The following CNTLN variants were observed in gnomAD, a reference collection of about 807,000 sequenced individuals.
CNTLN encodes centlein, centrosomal protein.
CNTLN carries 212 observed loss-of-function variants against 180.0 expected under a neutral mutation model. The observed-to-expected ratio is 1.18, with a 90% confidence interval of 1.05 to 1.32. CNTLN has a LOEUF of 1.32. Among genes scored for constraint, CNTLN ranks in the 40% most tolerant of loss-of-function variants. The probability of loss-of-function intolerance (pLI) is 0.00; values close to 1 mark genes in which losing one functional copy is unlikely to be tolerated. For missense variants in CNTLN, 2,095 were observed against 1,610.9 expected, an observed-to-expected ratio of 1.30 and a Z score of -5.14; for synonymous variants, 722 against 563.1, an observed-to-expected ratio of 1.28 and a Z score of -3.99.
chr9:17,334,209 G>A (rs950544175), intron 10 of CNTLN, among the ~76,000 whole-genome samples: 1 of 152,002 alleles, frequency 6.6e-6, no homozygotes, highest in East Asian at 1.9e-4. Context: ...ACAGGCGTGT[G>A]CCACCACTCC....
intron 12 of CNTLN, among the ~76,000 whole-genome samples, chr9:17,353,600 T>A (rs1822554813): frequency 3.8e-5 from 1 of 26,510 alleles, no homozygotes; most frequent in Admixed American, 4.2e-4. Context: ...TTGTTTTCGT[T>A]TTTTTTTTTT....
At chr9:17,313,154 A>G (rs1819324249) in intron 8 of CNTLN, among the ~76,000 whole-genome samples, 1 of 152,106 alleles carries the variant, frequency 6.6e-6, no homozygotes, top group African/African-American at 2.4e-5. Context: ...TAATGGTTAT[A>G]TTTTGCATAG....
chr9:17,245,722 A>C (rs1220811101), intron 5 of CNTLN, among the ~76,000 whole-genome samples: 2 of 151,446 alleles, frequency 1.3e-5, no homozygotes, highest in Non-Finnish European at 2.9e-5. Flanking sequence ...TGTGTGCTTC[A>C]TTCTTTTTCC....
intron 18 of CNTLN, among the ~76,000 whole-genome samples, chr9:17,419,725 T>G (rs1047648845): frequency 6.6e-6 from 1 of 152,186 alleles, no homozygotes; most frequent in Non-Finnish European, 1.5e-5. Flanking sequence ...TTCCACTGTA[T>G]ATTTTAAAGA....
intron 7 of CNTLN, chr9:17,301,148 T>G: frequency 2.0e-6 from 2 of 985,380 alleles, no homozygotes; most frequent in Non-Finnish European, 2.4e-6. Flanking sequence ...ACAAATTAAT[T>G]TCTGATAACT....
chr9:17,319,374 G>A (rs1819754311), intron 8 of CNTLN, among the ~76,000 whole-genome samples: 1 of 152,208 alleles, frequency 6.6e-6, no homozygotes, highest in African/African-American at 2.4e-5. Context: ...CTGGTCTAGC[G>A]ATCATACTTT....
chr9:17,389,949 A>T, intron 14 of CNTLN, among the ~76,000 whole-genome samples: 1 of 152,090 alleles, frequency 6.6e-6, no homozygotes, highest in East Asian at 1.9e-4. Context: ...TGGTGTCTTT[A>T]TTTAAAAAAA....
chr9:17,280,255 T>G (rs1295643483), intron 6 of CNTLN, among the ~76,000 whole-genome samples: 1 of 152,206 alleles, frequency 6.6e-6, no homozygotes, highest in African/African-American at 2.4e-5. Context: ...GTATTGTTGG[T>G]TCTCAGTATC....
At chr9:17,420,146 C>G (rs1422633361) in intron 18 of CNTLN, among the ~76,000 whole-genome samples, 1 of 152,166 alleles carries the variant, frequency 6.6e-6, no homozygotes, top group Non-Finnish European at 1.5e-5. Flanking sequence ...AACTCCTAAC[C>G]TCACATGATC....
intron 25 of CNTLN, among the ~76,000 whole-genome samples, chr9:17,488,558 G>A (rs138510506): frequency 2.0e-4 from 31 of 152,036 alleles, no homozygotes; most frequent in African/African-American, 3.9e-4. Flanking sequence ...AAATCTGTAC[G>A]TGTAAAGCTT....
chr9:17,330,452 G>C (rs914329862), intron 8 of CNTLN, among the ~76,000 whole-genome samples, 180 bp from the exon 9 acceptor site: 11 of 151,606 alleles, frequency 7.3e-5, no homozygotes, highest in South Asian at 2.1e-4. Context: ...TTATTTTATT[G>C]GAAAATACTA....
intron 12 of CNTLN, among the ~76,000 whole-genome samples, chr9:17,352,934 A>ACC (rs1254077741): frequency 9.2e-5 from 14 of 152,130 alleles, no homozygotes; most frequent in Non-Finnish European, 1.9e-4. Flanking sequence ...GTTTATGTAT[A>ACC]CCACAATTTG....
At chr9:17,266,823 G>T (rs1342499286) in intron 5 of CNTLN, among the ~76,000 whole-genome samples, 2 of 151,994 alleles carry the variant, frequency 1.3e-5, no homozygotes, top group Admixed American at 6.6e-5. Context: ...GATCTTTGTT[G>T]GTTTGAAGTC....
chr9:17,141,491 G>T (rs1328090813), intron 1 of CNTLN, among the ~76,000 whole-genome samples: 1 of 152,152 alleles, frequency 6.6e-6, no homozygotes, highest in East Asian at 1.9e-4. Context: ...AAGAAAGTCT[G>T]TGTGAACAAG....
intron 1 of CNTLN, among the ~76,000 whole-genome samples, chr9:17,141,114 A>T (rs1326086938): frequency 1.3e-5 from 2 of 152,130 alleles, no homozygotes; most frequent in Non-Finnish European, 2.9e-5. Flanking sequence ...TATTTCATTG[A>T]CAGAACTTAG....
At chr9:17,175,566 A>G (rs535779943) in intron 2 of CNTLN, among the ~76,000 whole-genome samples, 1 of 152,292 alleles carries the variant, frequency 6.6e-6, no homozygotes, top group African/African-American at 2.4e-5. Flanking sequence ...GCATCTTAAA[A>G]TCTGCTAGAA....
At chr9:17,427,043 C>T (rs1306301281) in intron 18 of CNTLN, among the ~76,000 whole-genome samples, 4 of 152,174 alleles carry the variant, frequency 2.6e-5, no homozygotes, top group Admixed American at 2.0e-4. Flanking sequence ...ACCTTTCTAT[C>T]CTAGCAATAT....
chr9:17,300,098 C>CAGA, intron 7 of CNTLN: 1 of 152,218 alleles, frequency 6.6e-6, no homozygotes, highest in East Asian at 1.9e-4. Flanking sequence ...ATCTGAAGTG[C>CAGA]TTGGAACCTG....
intron 8 of CNTLN, among the ~76,000 whole-genome samples, chr9:17,326,793 A>G (rs1820323664): frequency 6.6e-6 from 1 of 152,158 alleles, no homozygotes; most frequent in South Asian, 2.1e-4. Flanking sequence ...CATGAGAAAA[A>G]CATCAGACAA....
Sources: gnomAD v4.1 joint callset for allele counts (sites outside exome capture counted in the v4.1 genomes callset) on GRCh38, gnomAD v4.1.1 for gene constraint, MANE v1.5 for transcripts, NCBI Gene and HGNC (gene_info 2026-07-23, HGNC 2026-07-21) for gene names.